The following FAM169A variants were observed in gnomAD, a reference collection of about 807,000 sequenced individuals.
FAM169A encodes soluble lamin-associated protein of 75 kDa.
FAM169A carries 24 observed loss-of-function variants against 75.7 expected under a neutral mutation model. That is an observed-to-expected ratio of 0.32 (90% CI 0.23 to 0.45). The LOEUF is 0.45. Ranked by LOEUF, FAM169A falls within the 20% of genes least tolerant of loss-of-function variation. FAM169A has a pLI of 1.00. For synonymous variants in FAM169A, 271 were observed against 271.0 expected (o/e 1.00, Z 0.00); for missense variants, 673 against 784.0 (o/e 0.86, Z 1.69).
chr5:74,813,603 A>G (rs1335315461), intron 6 of FAM169A, among the ~76,000 whole-genome samples: 1 of 152,138 alleles, frequency 6.6e-6, no homozygotes, highest in East Asian at 1.9e-4. Flanking sequence ...TGGGATCACA[A>G]GTGTGAGCCA....
chr5:74,807,008 C>A (rs2112551445), intron 6 of FAM169A, among the ~76,000 whole-genome samples: 1 of 152,314 alleles, frequency 6.6e-6, no homozygotes, highest in African/African-American at 2.4e-5. Flanking sequence ...AACACACACT[C>A]TGCTGGTGGG....
chr5:74,844,070 AAAGT>A (rs1257647238), intron 1 of FAM169A, among the ~76,000 whole-genome samples: 1 of 152,232 alleles, frequency 6.6e-6, no homozygotes, highest in African/African-American at 2.4e-5. Flanking sequence ...TTATAGAAAA[AAAGT>A]AAGATGGAAA....
intron 11 of FAM169A, among the ~76,000 whole-genome samples, chr5:74,786,941 G>A (rs1745726060): frequency 6.6e-6 from 1 of 152,134 alleles, no homozygotes; most frequent in Non-Finnish European, 1.5e-5. Flanking sequence ...AAACTCTGAT[G>A]AGACTTTTTG....
intron 8 of FAM169A, 77 bp downstream of exon 8, chr5:74,804,416 C>A: frequency 3.4e-6 from 2 of 591,132 alleles, no homozygotes; most frequent in South Asian, 8.7e-5. Flanking sequence ...ATTTAAAACT[C>A]AAATATAACC....
Position 74,782,996 on chromosome 5 carries a change from A to T in FAM169A, c.1399T>A (p.Ser467Thr). The change falls in exon 12 of 13, where the codon TCT becomes ACT. Residue 467 changes from serine (S) to threonine (T), a missense_variant. Coordinates refer to ENST00000687041, the MANE Select transcript of FAM169A (RefSeq NM_001376049.1). ...ACCACCAGTGGAACAAGATTTGTAG[A>T]GTCTTCACTGGAATTAAAAGGCTGC... ...KLQPFNSSED[S>T]TNLVPLVVES... 1 of 1,614,082 alleles carries T rather than the reference A, an allele frequency of 6.2e-7. No homozygotes were observed. The highest frequency in any genetic ancestry group is 8.5e-7 in the Non-Finnish European group (1 of 1,179,958).
Position 74,850,473 on chromosome 5 carries a change from T to C in FAM169A, c.-3-8794A>G, listed in dbSNP as rs550262046. Among the ~76,000 whole-genome samples, 10 of 152,292 alleles carry C rather than the reference T, an allele frequency of 6.6e-5. 1 individual carries two copies. In the South Asian group the frequency reaches 1.0e-3, roughly 16 times the overall value. On this transcript the variant is annotated intron_variant, in intron 1 of 12. Coordinates refer to ENST00000687041, the MANE Select transcript of FAM169A (RefSeq NM_001376049.1). ...ATGAAGATACTGCGTATTTGGTATGTTTTAGGCCTTCAAAAGCAAAATCCA... is the reference window on the plus strand; with the variant it reads ...ATGAAGATACTGCGTATTTGGTATGCTTTAGGCCTTCAAAAGCAAAATCCA...
At chr5:74,860,680 C>A (rs1561330889) in intron 1 of FAM169A, among the ~76,000 whole-genome samples, 2 of 152,048 alleles carry the variant, frequency 1.3e-5, no homozygotes, top group East Asian at 3.9e-4. Flanking sequence ...GATAAGATTT[C>A]TAAGTAAGAG....
rs745599251 is a variant in FAM169A at position 74,834,415 on chromosome 5, T to C, written c.490+11A>G. The C allele has an allele frequency of 2.1e-6, 3 of 1,432,352 alleles. No individual in the cohort carries two copies. The South Asian group carries it at 5.4e-5, about 26-fold the overall frequency. 88.7% of individuals were successfully genotyped at this position (1,432,352 alleles called of 1,614,324 possible). On this transcript the variant is annotated intron_variant, in intron 5 of 12. Coordinates refer to ENST00000687041, the MANE Select transcript of FAM169A (RefSeq NM_001376049.1). Reference sequence around the variant, plus strand: ...CATAATACACAGTTTAAATAACTTTTAAAGACTCACCTGTAGGCTTAACTG... The same window carrying C: ...CATAATACACAGTTTAAATAACTTTCAAAGACTCACCTGTAGGCTTAACTG...
intron 11 of FAM169A, among the ~76,000 whole-genome samples, chr5:74,795,383 C>A (rs1221720247): frequency 6.6e-6 from 1 of 151,910 alleles, no homozygotes; most frequent in African/African-American, 2.4e-5. Context: ...AATAGAGAAT[C>A]TGTGGAAAGG....
chr5:74,836,783 A>C (rs1748591138), intron 4 of FAM169A, among the ~76,000 whole-genome samples: 1 of 152,120 alleles, frequency 6.6e-6, no homozygotes, highest in Non-Finnish European at 1.5e-5. Context: ...CCGCATCTCT[A>C]CTAAAAATAC....
intron 1 of FAM169A, among the ~76,000 whole-genome samples, chr5:74,847,518 G>A (rs1749217739): frequency 1.3e-5 from 2 of 152,096 alleles, no homozygotes; most frequent in Non-Finnish European, 2.9e-5. Flanking sequence ...AGACTTGCAT[G>A]TGGGTACAAC....
chr5:74,823,594 C>G (rs1747870769), intron 5 of FAM169A, among the ~76,000 whole-genome samples: 1 of 152,148 alleles, frequency 6.6e-6, no homozygotes, highest in Non-Finnish European at 1.5e-5. Context: ...GAACCCATGA[C>G]AAATCATCTT....
rs1490835545 is a variant in FAM169A at position 74,780,616 on chromosome 5, A to C, written c.*844T>G. On this transcript the variant is annotated 3_prime_UTR_variant, in exon 13 of 13. Transcript: ENST00000687041. ...CTATCTGATCAGGACCAGAAGTCCA[A>C]ATTAAACCATGTCTCCAAAGTATAG... 6.6e-6 allele frequency: 1 copy of C among 152,240 alleles called. No individual in the cohort carries two copies. Among genetic ancestry groups the C allele is most frequent in the Non-Finnish European group, 1.5e-5 (1 of 68,032 alleles). 9.4% of individuals were successfully genotyped at this position (152,240 alleles called of 1,614,324 possible).
At chr5:74,784,556 T>A (rs1429792595) in intron 11 of FAM169A, among the ~76,000 whole-genome samples, 5 of 77,806 alleles carry the variant, frequency 6.4e-5, no homozygotes, top group African/African-American at 1.8e-4. Context: ...AATAGTATTA[T>A]AAAGTGAGGA....
intron 11 of FAM169A, among the ~76,000 whole-genome samples, chr5:74,787,403 T>G (rs1745749121): frequency 6.6e-6 from 1 of 152,174 alleles, no homozygotes; most frequent in African/African-American, 2.4e-5. Context: ...GAGGAAGAGA[T>G]CCAAAGGCTT....
chr5:74,840,748 G>A (rs1748821113), intron 2 of FAM169A, among the ~76,000 whole-genome samples: 1 of 150,406 alleles, frequency 6.6e-6, no homozygotes, highest in Non-Finnish European at 1.5e-5. Context: ...AGAATGGCGT[G>A]AACCCAGGAG....
At chr5:74,860,656 G>A (rs1334461008) in intron 1 of FAM169A, among the ~76,000 whole-genome samples, 1 of 151,962 alleles carries the variant, frequency 6.6e-6, no homozygotes, top group Non-Finnish European at 1.5e-5. Context: ...TTGGTAAATG[G>A]AGCCACTAGA....
At chr5:74,845,442 T>C (rs1300656697) in intron 1 of FAM169A, among the ~76,000 whole-genome samples, 1 of 152,016 alleles carries the variant, frequency 6.6e-6, no homozygotes, top group Non-Finnish European at 1.5e-5. Flanking sequence ...TGCTTGAACC[T>C]GTGAGGTGGA....
chr5:74,855,473 T>C (rs535158805), intron 1 of FAM169A, among the ~76,000 whole-genome samples: 2 of 152,292 alleles, frequency 1.3e-5, no homozygotes, highest in South Asian at 2.1e-4. Context: ...GCTGGGATTA[T>C]AGGCATAAGC....
Sources: gnomAD v4.1 joint callset for allele counts (sites outside exome capture counted in the v4.1 genomes callset) on GRCh38, gnomAD v4.1.1 for gene constraint, MANE v1.5 for transcripts, NCBI Gene and HGNC (gene_info 2026-07-23, HGNC 2026-07-21) for gene names.